Variants in TAS2R1 observed in about 807,000 individuals in gnomAD.
TAS2R1 encodes the protein taste 2 receptor member 1.
For missense variants in TAS2R1, 370 were observed against 353.4 expected, an observed-to-expected ratio of 1.05 and a Z score of -0.38; for synonymous variants, 141 against 134.2, an observed-to-expected ratio of 1.05 and a Z score of -0.35.
At chr5:9,740,151 A>G in the TAS2R1 span, among the ~76,000 whole-genome samples, 2 of 152,200 alleles carry the variant, frequency 1.3e-5, no homozygotes, top group Non-Finnish European at 2.9e-5. Context: ...CTTGTGTCAA[A>G]GTTTTCTCAG....
chr5:9,757,289 T>G, the TAS2R1 span, among the ~76,000 whole-genome samples: 2 of 152,198 alleles, frequency 1.3e-5, no homozygotes, highest in Non-Finnish European at 2.9e-5. Flanking sequence ...AAAACTACTC[T>G]CCTTTTTCTT....
chr5:9,724,665 G>A, the TAS2R1 span, among the ~76,000 whole-genome samples: 1 of 152,110 alleles, frequency 6.6e-6, no homozygotes, highest in Non-Finnish European at 1.5e-5. Context: ...ACAGAGCCAG[G>A]TGGAGCACAG....
At chr5:9,749,787 C>T in the TAS2R1 span, among the ~76,000 whole-genome samples, 4 of 152,182 alleles carry the variant, frequency 2.6e-5, no homozygotes, top group Admixed American at 2.0e-4. Context: ...AAACTGATTT[C>T]CTGCTCATGC....
chr5:9,779,079 G>T, the TAS2R1 span, among the ~76,000 whole-genome samples: 1 of 152,208 alleles, frequency 6.6e-6, no homozygotes, highest in Non-Finnish European at 1.5e-5. Context: ...CCTGGTGAGA[G>T]GTGTTTGGGC....
chr5:9,682,775 G>A (rs1163151004), intron 1 of TAS2R1, among the ~76,000 whole-genome samples: 1 of 152,076 alleles, frequency 6.6e-6, no homozygotes, highest in Non-Finnish European at 1.5e-5. Flanking sequence ...GGATTCTGAG[G>A]GTTTAAAATG....
At position 9,628,994 on chromosome 5, in the gene TAS2R1, T is replaced by C. The variant is rs1306108382; in HGVS notation, c.*139A>G. ...TGAAAAAGTAGCATATCCACAGAAATACCTCAGGCTGGATAAACAGGCCTG... is the reference window on the plus strand; with the variant it reads ...TGAAAAAGTAGCATATCCACAGAAACACCTCAGGCTGGATAAACAGGCCTG... On this transcript the variant is annotated 3_prime_UTR_variant, in exon 1 of 1. Coordinates refer to ENST00000382492, the MANE Select transcript of TAS2R1 (RefSeq NM_019599.3). 7.1e-6 allele frequency: 6 copies of C among 848,834 alleles called. No individual in the cohort carries two copies. Among genetic ancestry groups the C allele is most frequent in the African/African-American group, 1.7e-5 (1 of 59,272 alleles). The allele number at this position is 848,834 out of a possible 1,614,324, so 52.6% of individuals were successfully genotyped here.
At chr5:9,870,137 T>A in the TAS2R1 span, 1 of 152,242 alleles carries the variant, frequency 6.6e-6, no homozygotes, top group Non-Finnish European at 1.5e-5. Context: ...TGCAAGTGCA[T>A]GACTTTAGAT....
rs767074473 is a variant in TAS2R1, at chr5:9,699,561, T to G, written c.-242+12611A>C. On this transcript the variant is annotated intron_variant, in intron 1 of 2. Coordinates refer to the TAS2R1 transcript ENST00000506620. ...TCATGGTCTCAGGGATTCTGTGATT[T>G]TTTTTTTCTGGCATCTAAACTCTGT... Among the ~76,000 whole-genome samples the G allele has an allele frequency of 2.0e-4, 30 of 152,162 alleles. 1 individual carries two copies. The highest frequency in any genetic ancestry group is 4.4e-5 in the Non-Finnish European group (3 of 68,040).
the TAS2R1 span, among the ~76,000 whole-genome samples, chr5:9,873,880 A>AG: frequency 1.3e-5 from 2 of 150,420 alleles, no homozygotes; most frequent in Non-Finnish European, 3.0e-5. Flanking sequence ...GGGAAAAAAA[A>AG]AAAAAGGAGG....
the TAS2R1 span, among the ~76,000 whole-genome samples, chr5:9,851,899 C>T: frequency 5.3e-5 from 8 of 152,176 alleles, no homozygotes; most frequent in African/African-American, 1.9e-4. Context: ...TTATTGTCTG[C>T]CTTTTAAAAG....
chr5:9,672,141 G>T (rs1345260274), intron 1 of TAS2R1, among the ~76,000 whole-genome samples: 2 of 151,998 alleles, frequency 1.3e-5, no homozygotes, highest in East Asian at 1.9e-4. Flanking sequence ...AAATTTAACT[G>T]ATGATAAATC....
At chr5:9,775,911 G>T in the TAS2R1 span, among the ~76,000 whole-genome samples, 1 of 152,238 alleles carries the variant, frequency 6.6e-6, no homozygotes, top group Non-Finnish European at 1.5e-5. Flanking sequence ...GCTGCCTGGA[G>T]TTGGGGTAGG....
chr5:9,740,542 A>C, the TAS2R1 span, among the ~76,000 whole-genome samples: 1 of 152,254 alleles, frequency 6.6e-6, no homozygotes. Context: ...ACTGGAAATC[A>C]ACAACCATCT....
At chr5:9,750,843 G>A in the TAS2R1 span, among the ~76,000 whole-genome samples, 2 of 152,096 alleles carry the variant, frequency 1.3e-5, no homozygotes, top group African/African-American at 2.4e-5. Flanking sequence ...GGCAGTCACA[G>A]ACTTTATGCA....
chr5:9,838,491 A>G, the TAS2R1 span, among the ~76,000 whole-genome samples: 1 of 152,226 alleles, frequency 6.6e-6, no homozygotes, highest in Non-Finnish European at 1.5e-5. Flanking sequence ...ATATGCGAAG[A>G]AAAAGCTACA....
chr5:9,764,613 A>G, the TAS2R1 span, among the ~76,000 whole-genome samples: 13 of 152,346 alleles, frequency 8.5e-5, no homozygotes, highest in South Asian at 1.5e-3. Context: ...TCCCTTACAC[A>G]TAGAAGCATA....
At chr5:9,899,627 A>G in the TAS2R1 span, among the ~76,000 whole-genome samples, 1 of 120,870 alleles carries the variant, frequency 8.3e-6, no homozygotes, top group Non-Finnish European at 1.8e-5. Flanking sequence ...ACAGAGCAAG[A>G]CTCTGTCTAA....
At chr5:9,754,646 G>T in the TAS2R1 span, among the ~76,000 whole-genome samples, 1 of 152,144 alleles carries the variant, frequency 6.6e-6, no homozygotes. Flanking sequence ...ATTCACAGTT[G>T]CTTCAAAGAG....
At chr5:9,762,848 G>A in the TAS2R1 span, among the ~76,000 whole-genome samples, 1 of 152,126 alleles carries the variant, frequency 6.6e-6, no homozygotes, top group Non-Finnish European at 1.5e-5. Flanking sequence ...TATTCCACTG[G>A]GATGAGATTT....
Sources: allele counts gnomAD v4.1 joint callset (sites outside exome capture counted in the v4.1 genomes callset), GRCh38; gene constraint gnomAD v4.1.1; transcripts MANE v1.5; gene names NCBI Gene and HGNC (gene_info 2026-07-23, HGNC 2026-07-21).